The following TRAPPC9 variants were observed in gnomAD, a reference collection of about 807,000 sequenced individuals.
The protein encoded by TRAPPC9 is trafficking protein particle complex subunit 9, also known as IKK2 binding protein.
In TRAPPC9, 83 loss-of-function variants were observed where a neutral mutation model predicts 124.0. The ratio of observed to expected loss-of-function variants is 0.67; its 90% confidence interval spans 0.56 to 0.80. The LOEUF (loss-of-function observed/expected upper bound fraction) is 0.80. Ranked by LOEUF, TRAPPC9 falls within the 30% of genes least tolerant of loss-of-function variation. The pLI is 0.00. For missense variants in TRAPPC9, 1,302 were observed against 1,508.3 expected, an observed-to-expected ratio of 0.86 and a Z score of 2.27; for synonymous variants, 638 against 617.5, an observed-to-expected ratio of 1.03 and a Z score of -0.49.
Position 140,360,137 on chromosome 8 carries a change from C to T in TRAPPC9, c.1408G>A (p.Ala470Thr). The T allele has an allele frequency of 1.2e-6, 2 of 1,614,176 alleles. No individual in the cohort carries two copies. The highest frequency in any genetic ancestry group is 8.5e-7 in the Non-Finnish European group (1 of 1,180,038). The part of the protein sequence containing the change: ...QMRLLHELVY[A>T]SRRMGNPALS... ...GCAGGGTTCCCCATCCTTCGGGAGG[C>T]GTAGACCAATTCATGGAGCAAACGC... is the stretch of plus-strand genomic sequence containing the variant. The change falls in exon 9 of 23, where the codon GCC becomes ACC. Residue 470 changes from alanine to threonine, a missense_variant. By Grantham distance (58) the Ala-to-Thr change is moderately conservative. Coordinates refer to ENST00000438773, the MANE Select transcript of TRAPPC9 (RefSeq NM_001160372.4).
chr8:140,404,909 C>CGTGTGTGTGTGT (rs71320356), intron 6 of TRAPPC9, among the ~76,000 whole-genome samples: 5,711 of 119,816 alleles, frequency 0.048, 193 homozygotes, highest in Non-Finnish European at 0.062. Flanking sequence ...TGTGAGCATG[C>CGTGTGTGTGTGT]GTGTGTGTGT....
chr8:139,919,065 A>C (rs1192394663), intron 19 of TRAPPC9, among the ~76,000 whole-genome samples: 1 of 152,144 alleles, frequency 6.6e-6, no homozygotes, highest in Non-Finnish European at 1.5e-5. Context: ...CAGTAGGCAG[A>C]GCTCAGGCGC....
At chr8:140,060,108 T>G (rs1244115722) in intron 17 of TRAPPC9, among the ~76,000 whole-genome samples, 1 of 152,190 alleles carries the variant, frequency 6.6e-6, no homozygotes, top group African/African-American at 2.4e-5. Flanking sequence ...TCCTTTTGAT[T>G]GGCAGTTGCG....
chr8:140,118,408 C>T (rs969861277), intron 17 of TRAPPC9, among the ~76,000 whole-genome samples: 7 of 152,194 alleles, frequency 4.6e-5, no homozygotes, highest in South Asian at 2.1e-4. Flanking sequence ...CCAGAGATTC[C>T]GTTAGTAGTC....
At chr8:139,810,400 C>T (rs577977867) in intron 21 of TRAPPC9, among the ~76,000 whole-genome samples, 1 of 152,158 alleles carries the variant, frequency 6.6e-6, no homozygotes, top group Non-Finnish European at 1.5e-5. Context: ...CAGGGTCCAG[C>T]CGGAGCTGAC....
intron 13 of TRAPPC9, 123 bp from the exon 14 acceptor site, chr8:140,284,144 G>A (rs1407318592): frequency 9.8e-6 from 13 of 1,328,524 alleles, no homozygotes; most frequent in South Asian, 1.2e-5. Context: ...AGCTGCCCGG[G>A]GCCCGCCGGC....
In TRAPPC9 at chr8:140,415,652, T is replaced by C. The variant is rs2069898920; in HGVS notation, c.887-9954A>G. 1.3e-5 allele frequency among the ~76,000 whole-genome samples: 2 copies of C among 151,786 alleles called. 1 individual carries two copies. The highest frequency in any genetic ancestry group is 4.2e-4 in the South Asian group (2 of 4,798). ...CACAAAAGCAGTGCATAGAGGGCAA[T>C]TTGTAGCTATAAATACTTACATTTT... On this transcript the variant is annotated intron_variant, in intron 5 of 22. Transcript: ENST00000438773.
chr8:140,375,229 G>C (rs973308146), intron 7 of TRAPPC9, among the ~76,000 whole-genome samples: 1 of 152,182 alleles, frequency 6.6e-6, no homozygotes, highest in African/African-American at 2.4e-5. Context: ...TGCTCTTTTA[G>C]GGCATATTAA....
intron 21 of TRAPPC9, among the ~76,000 whole-genome samples, chr8:139,756,391 G>A (rs1407615973): frequency 7.5e-6 from 1 of 133,870 alleles, no homozygotes; most frequent in Non-Finnish European, 1.6e-5. Context: ...AGGAGCCAGG[G>A]TTGGGGTATA....
chr8:140,191,037 C>CT (rs1417571459), intron 17 of TRAPPC9, among the ~76,000 whole-genome samples: 3 of 152,116 alleles, frequency 2.0e-5, no homozygotes, highest in African/African-American at 7.2e-5. Context: ...CTCGGAGAGG[C>CT]CAGATTAGGA....
At chr8:140,310,223 G>C (rs1213647910) in intron 10 of TRAPPC9, among the ~76,000 whole-genome samples, 1 of 152,128 alleles carries the variant, frequency 6.6e-6, no homozygotes, top group Admixed American at 6.5e-5. Flanking sequence ...GGCATAGTGG[G>C]GAGATAAGCA....
intron 9 of TRAPPC9, among the ~76,000 whole-genome samples, chr8:140,357,455 A>G (rs2067786888): frequency 6.6e-6 from 1 of 151,964 alleles, no homozygotes; most frequent in Non-Finnish European, 1.5e-5. Flanking sequence ...ACCAGGAGAG[A>G]ACAGAGTCCT....
chr8:139,794,559 G>A (rs1281270713), intron 21 of TRAPPC9, among the ~76,000 whole-genome samples: 9 of 152,198 alleles, frequency 5.9e-5, no homozygotes, highest in Non-Finnish European at 1.3e-4. Context: ...CCACTTCAGG[G>A]ACACACTTAG....
At chr8:140,259,687 G>A (rs561270097) in intron 15 of TRAPPC9, among the ~76,000 whole-genome samples, 141 of 152,246 alleles carry the variant, frequency 9.3e-4, no homozygotes, top group African/African-American at 3.1e-3. Flanking sequence ...TCTCCTAACC[G>A]GACAATCTTC....
rs375200396 is a variant in TRAPPC9, at chr8:139,742,922, C to T, written c.3056-10720G>A. Among the ~76,000 whole-genome samples the T allele has an allele frequency of 5.9e-5, 9 of 152,130 alleles. No individual in the cohort carries two copies. The highest frequency in any genetic ancestry group is 2.1e-4 in the South Asian group (1 of 4,826). On this transcript the variant is annotated intron_variant, in intron 21 of 22. Coordinates refer to ENST00000438773, the MANE Select transcript of TRAPPC9 (RefSeq NM_001160372.4). This position sits in a 1 kb window ranked among gnomAD's most constrained non-coding sequence, Gnocchi z 4.7. The stretch of plus-strand genomic sequence containing the variant: ...CCTGCCTGACTGCACCCTAGAGAGG[C>T]GGGTTTCCTCTGTCTAGGGTGGTGC...
At chr8:139,943,192 A>G (rs1327048471) in intron 19 of TRAPPC9, among the ~76,000 whole-genome samples, 1 of 152,178 alleles carries the variant, frequency 6.6e-6, no homozygotes, top group African/African-American at 2.4e-5. Flanking sequence ...TCAGCCTCCC[A>G]AGTAGTTGGG....
At chr8:140,409,109 A>G (rs1479320393) in intron 5 of TRAPPC9, among the ~76,000 whole-genome samples, 2 of 152,200 alleles carry the variant, frequency 1.3e-5, no homozygotes, top group Non-Finnish European at 2.9e-5. Flanking sequence ...CATCAAGGTC[A>G]CAAAAGTTGA....
chr8:140,143,899 A>G (rs540887633), intron 17 of TRAPPC9, among the ~76,000 whole-genome samples: 5 of 152,366 alleles, frequency 3.3e-5, no homozygotes, highest in African/African-American at 9.6e-5. Flanking sequence ...GGCTGACAAC[A>G]ATTATAAAAC....
chr8:139,857,968 G>T (rs1827903371), intron 21 of TRAPPC9, among the ~76,000 whole-genome samples: 1 of 152,220 alleles, frequency 6.6e-6, no homozygotes, highest in East Asian at 1.9e-4. Flanking sequence ...GTCCACTGTG[G>T]ATAAACATCT....
Sources: allele counts gnomAD v4.1 joint callset (sites outside exome capture counted in the v4.1 genomes callset), GRCh38; gene constraint gnomAD v4.1.1; non-coding constraint Gnocchi (gnomAD v3.1); transcripts MANE v1.5; gene names NCBI Gene and HGNC (gene_info 2026-07-23, HGNC 2026-07-21).